Variants in GLRA3 observed in about 807,000 individuals in gnomAD.
GLRA3 encodes the protein glycine receptor subunit alpha-3.
Under a neutral mutation model 60.4 loss-of-function variants are expected in GLRA3, and 44 were observed. That is an observed-to-expected ratio of 0.73 (90% CI 0.57 to 0.94). The LOEUF (loss-of-function observed/expected upper bound fraction) is 0.94. Among genes scored for constraint, GLRA3 ranks in the 40% least tolerant of loss-of-function variants. GLRA3 has a pLI of 0.00. For missense variants in GLRA3, 508 were observed against 564.6 expected (o/e 0.90, Z 1.02); for synonymous variants, 223 against 192.9 (o/e 1.16, Z -1.29).
At chr4:174,741,763 G>A (rs185479451) in intron 3 of GLRA3, among the ~76,000 whole-genome samples, 11 of 152,130 alleles carry the variant, frequency 7.2e-5, no homozygotes, top group African/African-American at 2.4e-4. Context: ...GTTAATTTTT[G>A]TATGAGGTAT....
chr4:174,675,777 C>T (rs952691025), intron 7 of GLRA3, among the ~76,000 whole-genome samples: 12 of 152,054 alleles, frequency 7.9e-5, no homozygotes, highest in African/African-American at 2.7e-4. Context: ...TTAGGAAAGA[C>T]AACCATTAAC....
At chr4:174,657,343 G>A (rs1733250478) in intron 8 of GLRA3, among the ~76,000 whole-genome samples, 1 of 152,094 alleles carries the variant, frequency 6.6e-6, no homozygotes, top group African/African-American at 2.4e-5. Context: ...TTACCCATTT[G>A]GACACCGGAT....
chr4:174,681,642 C>T (rs4608786), intron 6 of GLRA3, among the ~76,000 whole-genome samples: 64,184 of 151,972 alleles, frequency 0.42, 14,124 homozygotes, highest in Middle Eastern at 0.54. Flanking sequence ...AGGGAAAGCA[C>T]GGCCCTGCTG....
intron 2 of GLRA3, among the ~76,000 whole-genome samples, chr4:174,780,034 A>T (rs1332091563): frequency 9.7e-5 from 14 of 144,716 alleles, no homozygotes; most frequent in African/African-American, 3.6e-4. Flanking sequence ...AGTTGAAATG[A>T]AGGAAAAAAT....
chr4:174,714,685 A>G (rs1203787680), intron 5 of GLRA3, among the ~76,000 whole-genome samples: 1 of 152,198 alleles, frequency 6.6e-6, no homozygotes, highest in Non-Finnish European at 1.5e-5. Context: ...TGTGTCAAAC[A>G]GTCCTTTTAT....
chr4:174,802,666 T>G (rs559317697), intron 1 of GLRA3, among the ~76,000 whole-genome samples: 52 of 152,166 alleles, frequency 3.4e-4, no homozygotes, highest in Non-Finnish European at 6.5e-4. Context: ...TTCTGTGAGG[T>G]GAGCAATGGG....
At chr4:174,790,952 C>T (rs575760991) in intron 1 of GLRA3, among the ~76,000 whole-genome samples, 43 of 146,582 alleles carry the variant, frequency 2.9e-4, no homozygotes, top group Admixed American at 1.2e-3. Flanking sequence ...TGCAGTGAGC[C>T]GAGATCACGC....
At chr4:174,713,889 AC>A (rs1457450357) in intron 5 of GLRA3, 9 of 152,170 alleles carry the variant, frequency 5.9e-5, no homozygotes, top group Non-Finnish European at 1.2e-4. Flanking sequence ...AATTTCCCAG[AC>A]CTCAAACATA....
chr4:174,717,213 TAAA>T (rs542669937), intron 4 of GLRA3, among the ~76,000 whole-genome samples: 1 of 106,022 alleles, frequency 9.4e-6, no homozygotes. Context: ...TCTTGTCTCT[TAAA>T]AAAAAAAAAA....
intron 5 of GLRA3, among the ~76,000 whole-genome samples, chr4:174,713,069 G>A (rs954374738): frequency 1.3e-5 from 2 of 152,004 alleles, no homozygotes; most frequent in Non-Finnish European, 2.9e-5. Context: ...GACTTCAGAA[G>A]CTTCTACTTT....
chr4:174,749,896 A>G lies in GLRA3; in HGVS notation c.267+17067T>C, dbSNP rs1428289974. Among the ~76,000 whole-genome samples the G allele has an allele frequency of 3.9e-5, 6 of 152,292 alleles. No individual in the cohort carries two copies. The East Asian group carries it at 1.2e-3, about 29-fold the overall frequency. ...TGAGTGTTAGCTCCTTGGTTGGGAA[A>G]GAGTAAAAGTTCAAATATTAGAAAA... On this transcript the variant is annotated intron_variant, in intron 3 of 9. Transcript: ENST00000274093.
intron 3 of GLRA3, among the ~76,000 whole-genome samples, chr4:174,732,269 C>T (rs974702237): frequency 6.6e-6 from 1 of 151,536 alleles, no homozygotes; most frequent in African/African-American, 2.4e-5. Flanking sequence ...GCAGGAGAGA[C>T]GCTTGAACCC....
chr4:174,643,269 T>A lies in GLRA3; in HGVS notation c.*517A>T. On this transcript the variant is annotated 3_prime_UTR_variant, in exon 10 of 10. Transcript: ENST00000274093. Reference sequence around the variant, plus strand: ...TAAAAATTTTCAAAATTACATATGTTGTTTAAATAGTATTTATATGTACAA... The same window carrying A: ...TAAAAATTTTCAAAATTACATATGTAGTTTAAATAGTATTTATATGTACAA... 1.6e-6 allele frequency: 1 copy of A among 639,324 alleles called. No individual in the cohort carries two copies. The highest frequency in any genetic ancestry group is 7.1e-5 in the South Asian group (1 of 14,018). 39.6% of individuals were successfully genotyped at this position (639,324 alleles called of 1,614,324 possible).
intron 7 of GLRA3, among the ~76,000 whole-genome samples, chr4:174,675,480 A>G (rs1485211389): frequency 6.6e-6 from 1 of 151,950 alleles, no homozygotes; most frequent in Non-Finnish European, 1.5e-5. Flanking sequence ...GAAGCCATAG[A>G]TTCTCCTTTT....
intron 2 of GLRA3, among the ~76,000 whole-genome samples, chr4:174,785,425 G>A (rs1020166346): frequency 3.3e-5 from 5 of 152,016 alleles, no homozygotes; most frequent in African/African-American, 4.8e-5. Flanking sequence ...TCATAATTAT[G>A]TATATAATGC....
At chr4:174,692,956 AAAAAG>A (rs1734916853) in intron 5 of GLRA3, among the ~76,000 whole-genome samples, 2 of 152,028 alleles carry the variant, frequency 1.3e-5, no homozygotes, top group Admixed American at 6.6e-5. Context: ...ATAAAAAAAA[AAAAAG>A]AAAAGTGTCT....
At chr4:174,654,457 T>C (rs951472892) in intron 9 of GLRA3, among the ~76,000 whole-genome samples, 5 of 152,144 alleles carry the variant, frequency 3.3e-5, no homozygotes, top group Non-Finnish European at 1.5e-5. Context: ...AACATAAACT[T>C]GGCTAGGATT....
intron 6 of GLRA3, among the ~76,000 whole-genome samples, chr4:174,681,322 T>TA (rs1244363479): frequency 6.6e-6 from 1 of 152,228 alleles, no homozygotes; most frequent in African/African-American, 2.4e-5. Context: ...TGTTCTGGAT[T>TA]AAATGATATC....
intron 1 of GLRA3, among the ~76,000 whole-genome samples, chr4:174,824,180 A>G (rs1488692359): frequency 6.6e-6 from 1 of 152,170 alleles, no homozygotes; most frequent in Admixed American, 6.5e-5. Context: ...CTTTTCCTCC[A>G]ACTATCCAAA....
Sources: gnomAD v4.1 joint callset for allele counts (sites outside exome capture counted in the v4.1 genomes callset) on GRCh38, gnomAD v4.1.1 for gene constraint, MANE v1.5 for transcripts, NCBI Gene and HGNC (gene_info 2026-07-23, HGNC 2026-07-21) for gene names.